Variants in IFT80 observed in about 807,000 individuals in gnomAD.
IFT80 encodes intraflagellar transport 80.
In IFT80, 79 loss-of-function variants were observed where a neutral mutation model predicts 107.9. The ratio of observed to expected loss-of-function variants is 0.73; its 90% CI spans 0.61 to 0.88. The LOEUF (loss-of-function observed/expected upper bound fraction) is 0.88, where lower values mean the gene tolerates loss of function less well. IFT80 is among the 40% of genes least tolerant of loss of function. The pLI is 0.00. For synonymous variants in IFT80, 299 were observed against 300.9 expected (o/e 0.99, Z 0.07); for missense variants, 797 against 914.2 (o/e 0.87, Z 1.65).
intron 8 of IFT80, among the ~76,000 whole-genome samples, chr3:160,344,312 TTTGAGCATATTTAAGATCA>T (rs1720127867): frequency 6.6e-6 from 1 of 152,188 alleles, no homozygotes; most frequent in Non-Finnish European, 1.5e-5. Context: ...CCTTTGGCTC[TTTGAGCATATTTAAGATCA>T]CTGATTTAGT....
chr3:160,307,458 A>G (rs754755584), intron 10 of IFT80, among the ~76,000 whole-genome samples: 1 of 152,136 alleles, frequency 6.6e-6, no homozygotes, highest in African/African-American at 2.4e-5. Context: ...TTGTCTATTA[A>G]CTGTTGATGT....
chr3:160,355,764 T>G (rs1220691763), intron 8 of IFT80, among the ~76,000 whole-genome samples: 3 of 152,226 alleles, frequency 2.0e-5, no homozygotes, highest in Non-Finnish European at 4.4e-5. Flanking sequence ...TACTTCATCC[T>G]TCACAATCAT....
rs181923877 is a variant in IFT80, at chr3:160,391,931, A to G, written c.-47+7215T>C. Among the ~76,000 whole-genome samples the G allele has an allele frequency of 2.5e-3, 374 of 152,348 alleles. 1 individual carries two copies. The highest frequency in any genetic ancestry group is 6.8e-3 in the Middle Eastern group (2 of 294). Reference sequence around the variant, plus strand: ...ATGCAGGGAATTATCTTGAATGTGGAGACTGAGGTAAACAGGGATGTAAGG... The same window carrying G: ...ATGCAGGGAATTATCTTGAATGTGGGGACTGAGGTAAACAGGGATGTAAGG... On this transcript the variant is annotated intron_variant, in intron 1 of 19. Coordinates refer to ENST00000326448, the MANE Select transcript of IFT80 (RefSeq NM_020800.3).
chr3:160,397,504 G>A (rs888200226), intron 1 of IFT80, among the ~76,000 whole-genome samples: 2 of 152,078 alleles, frequency 1.3e-5, no homozygotes, highest in Non-Finnish European at 2.9e-5. Flanking sequence ...AATCCTTATG[G>A]AGCATGTGCT....
chr3:160,260,742 G>T (rs577399780), intron 19 of IFT80, among the ~76,000 whole-genome samples: 2 of 152,216 alleles, frequency 1.3e-5, no homozygotes, highest in East Asian at 3.9e-4. Context: ...CTAGTATAGG[G>T]ACTGCCAATA....
chr3:160,283,624 G>C (rs1476003245), intron 13 of IFT80, among the ~76,000 whole-genome samples: 1 of 152,042 alleles, frequency 6.6e-6, no homozygotes, highest in Non-Finnish European at 1.5e-5. Flanking sequence ...TTTTCAAAAT[G>C]GAAATGTTTC....
chr3:160,318,016 T>C (rs1559936673), intron 9 of IFT80, among the ~76,000 whole-genome samples: 1 of 151,398 alleles, frequency 6.6e-6, no homozygotes, highest in South Asian at 2.1e-4. Flanking sequence ...AGTGTGGTTA[T>C]ATTAAAACAG....
At chr3:160,395,839 C>G (rs1295085176) in intron 1 of IFT80, among the ~76,000 whole-genome samples, 2 of 152,108 alleles carry the variant, frequency 1.3e-5, no homozygotes, top group African/African-American at 4.8e-5. Flanking sequence ...TTTGTTTTTT[C>G]TCAAGACAAT....
chr3:160,395,519 G>C (rs1228819205), intron 1 of IFT80, among the ~76,000 whole-genome samples: 1 of 152,202 alleles, frequency 6.6e-6, no homozygotes, highest in Non-Finnish European at 1.5e-5. Flanking sequence ...AAGCCAATTA[G>C]AGCATTCCAT....
chr3:160,387,015 A>T (rs1472157271), intron 1 of IFT80, among the ~76,000 whole-genome samples: 1 of 152,212 alleles, frequency 6.6e-6, no homozygotes, highest in Non-Finnish European at 1.5e-5. Context: ...GGTATACAAA[A>T]AAGAGCCTAT....
intron 2 of IFT80, chr3:160,384,322 G>A (rs1712765020): frequency 2.1e-6 from 2 of 936,688 alleles, no homozygotes; most frequent in African/African-American, 1.8e-5. Context: ...TTTAAGTATA[G>A]TACTTAAGTA....
intron 6 of IFT80, among the ~76,000 whole-genome samples, chr3:160,359,928 A>C (rs2108366667): frequency 6.6e-6 from 1 of 152,356 alleles, no homozygotes; most frequent in East Asian, 1.9e-4. Context: ...AAAATTCTAA[A>C]AACCAGAACA....
intron 8 of IFT80, among the ~76,000 whole-genome samples, chr3:160,324,932 T>G (rs1295342285): frequency 3.3e-5 from 5 of 150,490 alleles, no homozygotes; most frequent in African/African-American, 1.2e-4. Flanking sequence ...TTCAGCAAAG[T>G]CTCAGGATAC....
rs1718074496 is a variant in IFT80 at position 160,319,822 on chromosome 3, C to T, written c.895G>A (p.Val299Met). 6.2e-7 allele frequency: 1 copy of T among 1,613,068 alleles called. No homozygotes were observed. Among genetic ancestry groups the T allele is most frequent in the Non-Finnish European group, 8.5e-7 (1 of 1,179,300 alleles). ...TTTTTCCACTCCCAATGTTGTTCCA[C>T]CACATGTGCAAAAACGACATGTCCA... ...GNGHVVFAHV[V>M]EQHWEWKNFQ... Residue 299 changes from valine (V) to methionine (M), a missense_variant, in exon 9 of 20, where the codon GTG (valine) becomes ATG (methionine). Val to Met is a conservative substitution (Grantham distance 21). Coordinates refer to ENST00000326448, the MANE Select transcript of IFT80 (RefSeq NM_020800.3).
intron 6 of IFT80, among the ~76,000 whole-genome samples, chr3:160,360,465 A>G (rs1006416847): frequency 4.6e-5 from 7 of 152,236 alleles, no homozygotes; most frequent in Non-Finnish European, 8.8e-5. Context: ...TCCCCAACCT[A>G]GCAAGGCAGG....
chr3:160,297,474 A>G (rs908337713), intron 12 of IFT80, among the ~76,000 whole-genome samples: 6 of 152,164 alleles, frequency 3.9e-5, no homozygotes, highest in Non-Finnish European at 8.8e-5. Context: ...TACAATGTGT[A>G]TAACATGAAA....
chr3:160,352,753 C>T (rs1350028573), intron 8 of IFT80, among the ~76,000 whole-genome samples: 1 of 152,194 alleles, frequency 6.6e-6, no homozygotes, highest in African/African-American at 2.4e-5. Context: ...GCATTATCCT[C>T]AGGCAAACAC....
chr3:160,364,697 T>G (rs1721739245), intron 6 of IFT80, among the ~76,000 whole-genome samples: 1 of 152,154 alleles, frequency 6.6e-6, no homozygotes, highest in East Asian at 1.9e-4. Flanking sequence ...TTCATGTCCT[T>G]TGCAGGGACA....
In IFT80 at chr3:160,272,471, A is replaced by AGTCTGAATG. The variant is rs1713889361; in HGVS notation, c.2100-3936_2100-3935insCATTCAGAC. Reference sequence around the variant, plus strand: ...CATTGTCGAAGTGAATGATGGGTACATTCAGACTATTCTCTCTACTTTTGT... The same window carrying AGTCTGAATG: ...CATTGTCGAAGTGAATGATGGGTACAGTCTGAATGTTCAGACTATTCTCTCTACTTTTGT... On this transcript the variant is annotated intron_variant, in intron 18 of 19. Coordinates refer to ENST00000326448, the MANE Select transcript of IFT80 (RefSeq NM_020800.3). Among the ~76,000 whole-genome samples the AGTCTGAATG allele has an allele frequency of 2.0e-5, 3 of 152,172 alleles. No individual in the cohort carries two copies. In the South Asian group the frequency reaches 6.2e-4, roughly 31 times the overall value.
Sources: allele counts gnomAD v4.1 joint callset (sites outside exome capture counted in the v4.1 genomes callset), GRCh38; gene constraint gnomAD v4.1.1; transcripts MANE v1.5; gene names NCBI Gene and HGNC (gene_info 2026-07-23, HGNC 2026-07-21).